LUZP2: variants seen among roughly 807,000 people sequenced by gnomAD.
LUZP2 encodes leucine zipper protein 2.
In LUZP2, 52 loss-of-function variants were observed where a neutral mutation model predicts 51.6. That is an observed-to-expected ratio of 1.01 (90% CI 0.81 to 1.27). LUZP2 has a LOEUF of 1.27. LUZP2 is among the 50% of genes most tolerant of loss of function. The probability of loss-of-function intolerance (pLI) is 0.00; values close to 1 mark genes in which losing one functional copy is unlikely to be tolerated. For missense variants in LUZP2, 436 were observed against 395.4 expected, an observed-to-expected ratio of 1.10 and a Z score of -0.87; for synonymous variants, 154 against 137.3, an observed-to-expected ratio of 1.12 and a Z score of -0.85.
At chr11:24,991,211 C>T (rs192066413) in intron 9 of LUZP2, among the ~76,000 whole-genome samples, 64 of 151,902 alleles carry the variant, frequency 4.2e-4, no homozygotes, top group African/African-American at 1.0e-3. Flanking sequence ...TGAGTGAGAA[C>T]GTACGATGTT....
chr11:24,726,713 C>A (rs1207957727), intron 1 of LUZP2, among the ~76,000 whole-genome samples: 1 of 151,952 alleles, frequency 6.6e-6, no homozygotes, highest in South Asian at 2.1e-4. Context: ...CAAGTACAAC[C>A]AAAATGGATA....
intron 1 of LUZP2, among the ~76,000 whole-genome samples, chr11:24,584,041 G>T (rs1475174525): frequency 1.3e-5 from 2 of 151,964 alleles, no homozygotes; most frequent in Admixed American, 6.6e-5. Flanking sequence ...TTTTAATTTT[G>T]TTATTTTATT....
intron 5 of LUZP2, among the ~76,000 whole-genome samples, chr11:24,837,152 T>A (rs912566922): frequency 3.3e-5 from 5 of 151,792 alleles, no homozygotes; most frequent in Admixed American, 6.6e-5. Context: ...TGACATATAT[T>A]AGAATATATA....
chr11:24,751,671 T>C, intron 4 of LUZP2: 1 of 577,752 alleles, frequency 1.7e-6, no homozygotes, highest in Non-Finnish European at 2.2e-6. Context: ...CATTGGCCCT[T>C]TTCCTGTACC....
intron 1 of LUZP2, among the ~76,000 whole-genome samples, chr11:24,507,430 C>T (rs970554513): frequency 6.6e-6 from 1 of 152,020 alleles, no homozygotes; most frequent in Admixed American, 6.6e-5. Flanking sequence ...TCTCATTGTG[C>T]TCCAGGCTGC....
intron 3 of LUZP2, among the ~76,000 whole-genome samples, chr11:24,736,757 A>G (rs540450805): frequency 1.3e-5 from 2 of 152,102 alleles, no homozygotes; most frequent in South Asian, 2.1e-4. Flanking sequence ...CCCAGATTTT[A>G]TATGTCCATA....
At chr11:25,040,767 G>T (rs1858029614) in intron 9 of LUZP2, among the ~76,000 whole-genome samples, 1 of 152,136 alleles carries the variant, frequency 6.6e-6, no homozygotes, top group African/African-American at 2.4e-5. Context: ...TAAAGAAGTT[G>T]ATGATCTCAT....
At chr11:24,780,473 A>G (rs1849058178) in intron 5 of LUZP2, among the ~76,000 whole-genome samples, 1 of 152,146 alleles carries the variant, frequency 6.6e-6, no homozygotes, top group African/African-American at 2.4e-5. Context: ...TAGTTGTATA[A>G]TGTATACAAG....
chr11:24,826,561 T>C (rs1850549109), intron 5 of LUZP2, among the ~76,000 whole-genome samples: 1 of 151,676 alleles, frequency 6.6e-6, no homozygotes. Flanking sequence ...CAAAACAGTG[T>C]TAAAAGCACC....
chr11:24,592,735 A>AT (rs1420333330), intron 1 of LUZP2, among the ~76,000 whole-genome samples: 1 of 151,984 alleles, frequency 6.6e-6, no homozygotes, highest in Admixed American at 6.6e-5. Context: ...CACGCTCTTG[A>AT]TTGAAATGAC....
chr11:24,962,723 G>A (rs947573412), intron 7 of LUZP2, among the ~76,000 whole-genome samples: 6 of 151,858 alleles, frequency 4.0e-5, no homozygotes, highest in African/African-American at 1.5e-4. Context: ...TCCTCCTGTA[G>A]CTCATATTTT....
chr11:24,562,444 T>C (rs2133775055), intron 1 of LUZP2, among the ~76,000 whole-genome samples: 1 of 148,812 alleles, frequency 6.7e-6, no homozygotes. Flanking sequence ...CAATAGTAGA[T>C]TCTGTTCCCA....
chr11:24,690,800 A>G (rs1434097611), intron 1 of LUZP2, among the ~76,000 whole-genome samples: 1 of 152,124 alleles, frequency 6.6e-6, no homozygotes, highest in Non-Finnish European at 1.5e-5. Flanking sequence ...TAGACTAAAC[A>G]GGAACTGAAC....
At chr11:24,836,118 G>A (rs1182745988) in intron 5 of LUZP2, among the ~76,000 whole-genome samples, 1 of 151,908 alleles carries the variant, frequency 6.6e-6, no homozygotes, top group Non-Finnish European at 1.5e-5. Context: ...TAATGATCAT[G>A]TATAAATCTC....
At chr11:24,655,178 T>A (rs990729295) in intron 1 of LUZP2, among the ~76,000 whole-genome samples, 2 of 152,302 alleles carry the variant, frequency 1.3e-5, no homozygotes, top group Middle Eastern at 3.4e-3. Context: ...CTGGTGTAAT[T>A]AAGACTTTGG....
chr11:24,948,824 CATCTATCTATCTATCTATCTATCT>C (rs67058181), intron 7 of LUZP2, among the ~76,000 whole-genome samples: 3 of 122,542 alleles, frequency 2.4e-5, no homozygotes, highest in Admixed American at 8.4e-5. Context: ...ATCTATCTAT[CATCTATCTATCTATCTATCTATCT>C]ATCTATCTAT....
intron 4 of LUZP2, among the ~76,000 whole-genome samples, chr11:24,745,661 G>A (rs1428506949): frequency 1.3e-5 from 2 of 151,830 alleles, no homozygotes; most frequent in African/African-American, 4.8e-5. Flanking sequence ...GCTTTTTGTT[G>A]TTGTTGTTTG....
intron 7 of LUZP2, among the ~76,000 whole-genome samples, chr11:24,917,679 G>C (rs1165764079): frequency 1.3e-5 from 2 of 151,634 alleles, no homozygotes; most frequent in Non-Finnish European, 2.9e-5. Context: ...GCTCTGTTCT[G>C]TTCCATTGGT....
At chr11:24,519,969 T>C (rs1041065106) in intron 1 of LUZP2, among the ~76,000 whole-genome samples, 21 of 152,374 alleles carry the variant, frequency 1.4e-4, no homozygotes, top group African/African-American at 4.8e-4. Flanking sequence ...TATGAGTTAC[T>C]ATTATTAATG....
Sources: allele counts gnomAD v4.1 joint callset (sites outside exome capture counted in the v4.1 genomes callset), GRCh38; gene constraint gnomAD v4.1.1; transcripts MANE v1.5; gene names NCBI Gene and HGNC (gene_info 2026-07-23, HGNC 2026-07-21).